Variants in SUPT3H observed in about 807,000 individuals in gnomAD.
SUPT3H encodes the protein SPT3 homolog, SAGA and STAGA complex component.
SUPT3H carries 44 observed loss-of-function variants against 44.3 expected under a neutral mutation model. The ratio of observed to expected loss-of-function variants is 0.99; its 90% CI spans 0.78 to 1.28. SUPT3H has a LOEUF of 1.28. Ranked by LOEUF, SUPT3H falls within the 50% of genes most tolerant of loss-of-function variation. SUPT3H has a pLI of 0.00. For synonymous variants in SUPT3H, 124 were observed against 125.6 expected (o/e 0.99, Z 0.09); for missense variants, 380 against 387.1 (o/e 0.98, Z 0.15).
intron 2 of SUPT3H, among the ~76,000 whole-genome samples, chr6:45,325,323 A>C (rs187432300): frequency 1.4e-3 from 206 of 151,988 alleles, no homozygotes; most frequent in African/African-American, 4.5e-3. Flanking sequence ...TAATGTATTA[A>C]AATATGATCA....
At chr6:45,308,410 C>T (rs1479388967) in intron 2 of SUPT3H, among the ~76,000 whole-genome samples, 2 of 152,202 alleles carry the variant, frequency 1.3e-5, no homozygotes, top group Admixed American at 1.3e-4. Context: ...TCAGCAGAAA[C>T]TACGAGCCAG....
chr6:44,996,274 CAGTA>C (rs1440180617), intron 6 of SUPT3H, among the ~76,000 whole-genome samples: 2 of 151,760 alleles, frequency 1.3e-5, no homozygotes, highest in African/African-American at 4.8e-5. Context: ...ATTTCAATAC[CAGTA>C]AGTAGATACT....
chr6:45,271,321 G>A (rs1469510505), intron 2 of SUPT3H, among the ~76,000 whole-genome samples: 1 of 152,162 alleles, frequency 6.6e-6, no homozygotes, highest in African/African-American at 2.4e-5. Context: ...AGAGGCCTAG[G>A]AGGAAAAAAT....
At chr6:44,880,404 G>A (rs372309603) in intron 10 of SUPT3H, among the ~76,000 whole-genome samples, 1 of 152,100 alleles carries the variant, frequency 6.6e-6, no homozygotes, top group South Asian at 2.1e-4. Flanking sequence ...AGTGAACAAA[G>A]CCTCCAAGAA....
chr6:44,829,677 A>G lies in SUPT3H; in HGVS notation c.*139T>C. On this transcript the variant is annotated 3_prime_UTR_variant, in exon 11 of 11. Transcript: ENST00000371459. ...GAGGGGCTGGAAAAGAGGAGGAGTCAGCAAGTTGAAAGTCACAACAGACCA... is the reference window on the plus strand; with the variant it reads ...GAGGGGCTGGAAAAGAGGAGGAGTCGGCAAGTTGAAAGTCACAACAGACCA... 1.1e-6 allele frequency: 1 copy of G among 885,354 alleles called. No homozygotes were observed. The highest frequency in any genetic ancestry group is 1.8e-6 in the Non-Finnish European group (1 of 565,364). The allele number at this position is 885,354 out of a possible 1,614,324, so 54.8% of individuals were successfully genotyped here.
chr6:45,172,815 C>A (rs1471817150), intron 2 of SUPT3H, among the ~76,000 whole-genome samples: 1 of 152,086 alleles, frequency 6.6e-6, no homozygotes, highest in African/African-American at 2.4e-5. Flanking sequence ...TGGTCTCGAA[C>A]TCCTGACCTC....
intron 10 of SUPT3H, among the ~76,000 whole-genome samples, chr6:44,838,546 C>G (rs1300716774): frequency 6.6e-6 from 1 of 151,968 alleles, no homozygotes; most frequent in East Asian, 1.9e-4. Context: ...TTAAGTAAGG[C>G]CAAGAGGAGA....
At chr6:45,350,576 A>G (rs1791804902) in intron 2 of SUPT3H, among the ~76,000 whole-genome samples, 2 of 152,332 alleles carry the variant, frequency 1.3e-5, no homozygotes, top group African/African-American at 2.4e-5. Flanking sequence ...CTAAATGTTG[A>G]GAGTAGAAAT....
intron 10 of SUPT3H, among the ~76,000 whole-genome samples, chr6:44,896,144 T>C (rs1307264553): frequency 6.6e-6 from 1 of 151,760 alleles, no homozygotes; most frequent in East Asian, 1.9e-4. Flanking sequence ...AGTCAATTAG[T>C]ATTTCAAAAC....
intron 2 of SUPT3H, among the ~76,000 whole-genome samples, chr6:45,277,751 C>T (rs1327878633): frequency 6.6e-6 from 1 of 152,152 alleles, no homozygotes; most frequent in African/African-American, 2.4e-5. Context: ...GAAAATGTGG[C>T]ACATAAGGAA....
intron 2 of SUPT3H, among the ~76,000 whole-genome samples, chr6:45,128,349 C>G (rs940536029): frequency 2.7e-5 from 4 of 150,168 alleles, no homozygotes. Context: ...TACTAAAATA[C>G]AAAAAACTAG....
At chr6:45,284,183 A>G (rs780554451) in intron 2 of SUPT3H, among the ~76,000 whole-genome samples, 4 of 152,334 alleles carry the variant, frequency 2.6e-5, no homozygotes, top group Non-Finnish European at 5.9e-5. Context: ...AATTAAAACA[A>G]CTGGAGAAGC....
intron 2 of SUPT3H, among the ~76,000 whole-genome samples, chr6:45,158,207 G>C (rs1324298372): frequency 1.9e-5 from 2 of 105,550 alleles, no homozygotes; most frequent in Non-Finnish European, 3.5e-5. Flanking sequence ...CATAGAGATA[G>C]ATAGATAGAT....
intron 10 of SUPT3H, among the ~76,000 whole-genome samples, chr6:44,842,783 C>T (rs1771186943): frequency 6.6e-6 from 1 of 152,078 alleles, no homozygotes; most frequent in South Asian, 2.1e-4. Flanking sequence ...CCATTTATTA[C>T]ATTACTATAT....
chr6:44,917,350 CATACAT>C (rs1222088181), intron 10 of SUPT3H, among the ~76,000 whole-genome samples: 1 of 152,144 alleles, frequency 6.6e-6, no homozygotes, highest in African/African-American at 2.4e-5. Flanking sequence ...ACTGTATACA[CATACAT>C]ATACATGTTT....
chr6:45,220,040 C>CAAAAAAAAAAAAAA (rs67960187), intron 2 of SUPT3H, among the ~76,000 whole-genome samples: 1 of 33,010 alleles, frequency 3.0e-5, no homozygotes, highest in African/African-American at 1.4e-4. Context: ...GACTCTGTCT[C>CAAAAAAAAAAAAAA]AAAAAAAAAA....
At chr6:45,265,195 A>G (rs890877634) in intron 2 of SUPT3H, among the ~76,000 whole-genome samples, 2 of 152,184 alleles carry the variant, frequency 1.3e-5, no homozygotes, top group African/African-American at 4.8e-5. Context: ...TAATATTATC[A>G]GTGTATTTTA....
At position 44,827,828 on chromosome 6, in the gene SUPT3H, AT is replaced by A. The variant is rs1291223660; in HGVS notation, c.*1987del. ...TATTCTAAATTCAGCTTACTGGCTT[AT>A]GATGAAAAATGAAAGGTTTTATATG... On this transcript the variant is annotated 3_prime_UTR_variant, in exon 11 of 11. Coordinates refer to ENST00000371459, the MANE Select transcript of SUPT3H (RefSeq NM_003599.4). Among the ~76,000 whole-genome samples, 5 of 141,296 alleles carry A rather than the reference AT, an allele frequency of 3.5e-5. No individual in the cohort carries two copies. In the East Asian group the frequency reaches 1.0e-3, roughly 29 times the overall value. The allele number at this position is 141,296 out of a possible 152,430, so 92.7% of individuals were successfully genotyped here. A position where few individuals can be genotyped will look rare whatever the true frequency, so the allele number is the denominator to read the frequency against.
At chr6:45,294,732 GCAAAAAAAAAAA>G (rs1780854954) in intron 2 of SUPT3H, among the ~76,000 whole-genome samples, 1 of 23,358 alleles carries the variant, frequency 4.3e-5, no homozygotes, top group Non-Finnish European at 7.0e-5. Flanking sequence ...TACAATAGCT[GCAAAAAAAAAAA>G]AAAAAAAAAA....
Sources: allele counts gnomAD v4.1 joint callset (sites outside exome capture counted in the v4.1 genomes callset), GRCh38; gene constraint gnomAD v4.1.1; transcripts MANE v1.5; gene names NCBI Gene and HGNC (gene_info 2026-07-23, HGNC 2026-07-21).